FRK: variants seen among roughly 807,000 people sequenced by gnomAD.
FRK encodes fyn related Src family tyrosine kinase.
FRK carries 51 observed loss-of-function variants against 56.4 expected under a neutral mutation model. The ratio of observed to expected loss-of-function variants is 0.90; its 90% CI spans 0.72 to 1.14. The LOEUF is 1.14. FRK is among the 50% of genes most tolerant of loss of function. The pLI, the probability that FRK is intolerant of heterozygous loss-of-function variation, is 0.00. For synonymous variants in FRK, 245 were observed against 217.9 expected, an observed-to-expected ratio of 1.12 and a Z score of -1.10; for missense variants, 570 against 601.4, an observed-to-expected ratio of 0.95 and a Z score of 0.55.
intron 2 of FRK, among the ~76,000 whole-genome samples, chr6:115,985,941 A>G (rs1232012917): frequency 1.2e-5 from 1 of 80,962 alleles, no homozygotes; most frequent in African/African-American, 3.7e-5. Flanking sequence ...CTTATATTAT[A>G]CATATATTTT....
chr6:116,021,859 C>CA (rs759158087), intron 1 of FRK, among the ~76,000 whole-genome samples: 2 of 151,458 alleles, frequency 1.3e-5, no homozygotes, highest in Non-Finnish European at 3.0e-5. Context: ...AAAGGAAAAC[C>CA]AAACCATGGG....
At position 115,936,875 on chromosome 6, in the gene FRK, G is replaced by T. The variant is rs1160779646; in HGVS notation, c.*5539C>A. The T allele has an allele frequency of 6.6e-6, 1 of 152,244 alleles. No homozygotes were observed. Among genetic ancestry groups the T allele is most frequent in the African/African-American group, 2.4e-5 (1 of 41,458 alleles). 9.4% of individuals were successfully genotyped at this position (152,244 alleles called of 1,614,324 possible). A position where few individuals can be genotyped will look rare whatever the true frequency, so the allele number is the denominator to read the frequency against. ...TTGGTGTACCTGAAAGTGACGGGGA[G>T]AATGGAACCAAGTTGGAAAACACTC... On this transcript the variant is annotated 3_prime_UTR_variant, in exon 8 of 8. Transcript: ENST00000606080.
chr6:115,970,556 A>T (rs1233456580), intron 2 of FRK, among the ~76,000 whole-genome samples: 1 of 152,186 alleles, frequency 6.6e-6, no homozygotes, highest in Non-Finnish European at 1.5e-5. Context: ...AGCTACACAT[A>T]ACAAAGTGAA....
intron 1 of FRK, among the ~76,000 whole-genome samples, chr6:116,049,741 A>T (rs1430701618): frequency 6.6e-6 from 1 of 152,234 alleles, no homozygotes; most frequent in Non-Finnish European, 1.5e-5. Context: ...AATGCAAGTT[A>T]AGTTATTTGT....
At chr6:116,019,348 G>T (rs963486800) in intron 1 of FRK, among the ~76,000 whole-genome samples, 2 of 152,124 alleles carry the variant, frequency 1.3e-5, no homozygotes, top group Non-Finnish European at 1.5e-5. Context: ...AAGTTAAAAA[G>T]CTGACCAAAT....
intron 6 of FRK, among the ~76,000 whole-genome samples, chr6:115,943,867 CAG>C (rs757149378): frequency 1.3e-4 from 20 of 152,102 alleles, no homozygotes; most frequent in Non-Finnish European, 2.8e-4. Flanking sequence ...AGAATTCTGG[CAG>C]CATGCAAATT....
intron 1 of FRK, among the ~76,000 whole-genome samples, chr6:116,009,118 T>A (rs1002438290): frequency 1.3e-5 from 2 of 152,076 alleles, no homozygotes; most frequent in Non-Finnish European, 2.9e-5. Flanking sequence ...GGTTACAGCT[T>A]GATGTTTGCC....
At chr6:115,954,486 A>G (rs1394395348) in intron 5 of FRK, among the ~76,000 whole-genome samples, 1 of 152,140 alleles carries the variant, frequency 6.6e-6, no homozygotes, top group Non-Finnish European at 1.5e-5. Flanking sequence ...ATATATTTTG[A>G]AGGCCAGCCA....
chr6:116,045,108 C>T (rs1186381031), intron 1 of FRK, among the ~76,000 whole-genome samples: 1 of 151,928 alleles, frequency 6.6e-6, no homozygotes, highest in Non-Finnish European at 1.5e-5. Context: ...GAAAAACATT[C>T]CATGCTTATG....
intron 2 of FRK, among the ~76,000 whole-genome samples, chr6:115,998,036 C>T (rs991486057): frequency 2.0e-5 from 3 of 152,170 alleles, no homozygotes; most frequent in East Asian, 1.9e-4. Flanking sequence ...AGTCCTTGGG[C>T]GACTCCCATA....
intron 1 of FRK, among the ~76,000 whole-genome samples, chr6:116,012,952 T>TATC (rs1035227004): frequency 1.3e-5 from 2 of 152,194 alleles, no homozygotes; most frequent in African/African-American, 4.8e-5. Flanking sequence ...AACACAAGCA[T>TATC]ATCAGGGCTG....
chr6:116,093,300 G>A, the FRK span, among the ~76,000 whole-genome samples: 1 of 152,158 alleles, frequency 6.6e-6, no homozygotes, highest in Non-Finnish European at 1.5e-5. Flanking sequence ...AGCTGTAGGG[G>A]GAGGGGAATT....
rs775098369 is a variant in FRK at position 115,968,588 on chromosome 6, T to C, written c.618A>G (p.Lys206=). 6.2e-7 allele frequency: 1 copy of C among 1,611,724 alleles called. No individual in the cohort carries two copies. The highest frequency in any genetic ancestry group is 8.5e-7 in the Non-Finnish European group (1 of 1,179,184). The change falls in exon 3 of 8, where the codon AAA becomes AAG. Residue 206 remains lysine, a synonymous_variant. Transcript: ENST00000606080. The stretch of plus-strand genomic sequence containing the variant: ...AAAGCATTTTCACCTTTAAGCATGG[T>C]TTCCCCAGCTTGACACACAGGCCGT... ...TSDGLCVKLG[K]PCLKIQVPAP...
intron 1 of FRK, among the ~76,000 whole-genome samples, chr6:116,007,398 G>A (rs535963504): frequency 3.9e-4 from 59 of 152,164 alleles, no homozygotes; most frequent in Non-Finnish European, 7.8e-4. Context: ...TTATTAACTT[G>A]AGACCGCATG....
chr6:115,967,654 G>A lies in FRK; in HGVS notation c.696C>T (p.Asn232=), dbSNP rs200157990. The change falls in exon 4 of 8, where the codon AAC becomes AAT. Residue 232 remains asparagine (N), a synonymous_variant. Transcript: ENST00000606080. ...KTVDQWEIDR[N]SIQLLKRLGS... is the part of the protein sequence containing the mutation. ...CCAATCGCTTCAGAAGCTGTATGGAGTTGCGGTCTATCTCCCATTGGTCCA... is the reference window on the plus strand; with the variant it reads ...CCAATCGCTTCAGAAGCTGTATGGAATTGCGGTCTATCTCCCATTGGTCCA... 3 of 1,613,472 alleles carry A rather than the reference G, an allele frequency of 1.9e-6. No homozygotes were observed. The highest frequency in any genetic ancestry group is 8.5e-7 in the Non-Finnish European group (1 of 1,179,724).
chr6:116,012,111 A>G (rs1302607333), intron 1 of FRK, among the ~76,000 whole-genome samples: 3 of 152,096 alleles, frequency 2.0e-5, no homozygotes, highest in African/African-American at 7.2e-5. Flanking sequence ...TCTCTTTAAC[A>G]TTAACAATTT....
intron 2 of FRK, among the ~76,000 whole-genome samples, chr6:115,980,133 CG>C (rs1774141180): frequency 6.6e-6 from 1 of 151,884 alleles, no homozygotes; most frequent in African/African-American, 2.4e-5. Context: ...TCCATTAAGA[CG>C]GACCAGTTAC....
intron 2 of FRK, among the ~76,000 whole-genome samples, chr6:115,993,153 G>A (rs1053196600): frequency 1.4e-4 from 22 of 151,752 alleles, no homozygotes; most frequent in African/African-American, 5.3e-4. Flanking sequence ...ACGGATGTAT[G>A]TAGATATACA....
At chr6:116,008,253 C>T (rs1451206096) in intron 1 of FRK, among the ~76,000 whole-genome samples, 1 of 151,948 alleles carries the variant, frequency 6.6e-6, no homozygotes, top group Non-Finnish European at 1.5e-5. Flanking sequence ...TAGAAAAACC[C>T]TATAGCAAAT....
Sources: allele counts gnomAD v4.1 joint callset (sites outside exome capture counted in the v4.1 genomes callset), GRCh38; gene constraint gnomAD v4.1.1; transcripts MANE v1.5; gene names NCBI Gene and HGNC (gene_info 2026-07-23, HGNC 2026-07-21).